The following TMEM50B variants were observed in gnomAD, a reference collection of about 807,000 sequenced individuals.
The protein encoded by TMEM50B is transmembrane protein 50B.
TMEM50B carries 14 observed loss-of-function variants against 23.4 expected under a neutral mutation model. The ratio of observed to expected loss-of-function variants is 0.60; its 90% confidence interval spans 0.39 to 0.93. The LOEUF is 0.93. Among genes scored for constraint, TMEM50B ranks in the 40% least tolerant of loss-of-function variants. The probability of loss-of-function intolerance (pLI) is 0.00; values close to 1 mark genes in which losing one functional copy is unlikely to be tolerated. For missense variants in TMEM50B, 159 were observed against 193.0 expected (o/e 0.82, Z 1.04); for synonymous variants, 64 against 62.3 (o/e 1.03, Z -0.13).
chr21:33,455,991 T>C, intron 5 of TMEM50B: 1 of 703,842 alleles, frequency 1.4e-6, no homozygotes, highest in East Asian at 2.7e-5. Context: ...TGGATAAAAG[T>C]CAATGAACTT....
downstream of TMEM50B, among the ~76,000 whole-genome samples, chr21:33,446,447 G>A (rs2084056072): frequency 6.6e-6 from 1 of 150,480 alleles, no homozygotes; most frequent in Admixed American, 6.6e-5. Context: ...ATGTTGGCCA[G>A]GCTGATCTCG....
chr21:33,447,411 G>A (rs371454406), downstream of TMEM50B, among the ~76,000 whole-genome samples: 3 of 151,854 alleles, frequency 2.0e-5, no homozygotes, highest in South Asian at 2.1e-4. Flanking sequence ...ACACCACGGC[G>A]TTCCAGCCTG....
At chr21:33,465,818 A>G (rs1442549378) in intron 3 of TMEM50B, among the ~76,000 whole-genome samples, 1 of 152,010 alleles carries the variant, frequency 6.6e-6, no homozygotes, top group Non-Finnish European at 1.5e-5. Flanking sequence ...TTAAGCTCAG[A>G]GAAAATGTAG....
Position 33,449,390 on chromosome 21 carries a change from G to A in TMEM50B, c.*1428C>T, listed in dbSNP as rs967231849. On this transcript the variant is annotated 3_prime_UTR_variant, in exon 7 of 7. Coordinates refer to ENST00000542230, the MANE Select transcript of TMEM50B (RefSeq NM_006134.7). ...CAAATGGGCTTACATTAGAGCCGTGGACACTACCACTGGTATTATTCATAC... is the reference window on the plus strand; with the variant it reads ...CAAATGGGCTTACATTAGAGCCGTGAACACTACCACTGGTATTATTCATAC... 2.6e-5 allele frequency: 4 copies of A among 152,530 alleles called. No individual in the cohort carries two copies. The highest frequency in any genetic ancestry group is 1.3e-4 in the Admixed American group (2 of 15,266). 9.4% of individuals were successfully genotyped at this position (152,530 alleles called of 1,614,324 possible). A position where few individuals can be genotyped will look rare whatever the true frequency, so the allele number is the denominator to read the frequency against.
intron 8 of TMEM50B, among the ~76,000 whole-genome samples, chr21:33,436,167 A>C (rs2083948122): frequency 2.0e-3 from 1 of 510 alleles, no homozygotes; most frequent in Non-Finnish European, 3.6e-3. Flanking sequence ...AGACAGCCTG[A>C]CCAACATGGG....
intron 1 of TMEM50B, 99 bp from the exon 2 acceptor site, chr21:33,469,025 T>C: frequency 1.5e-6 from 1 of 655,870 alleles, no homozygotes; most frequent in Non-Finnish European, 2.6e-6. Context: ...AACTTTACTT[T>C]AGGTCCTATT....
At chr21:33,434,209 G>A (rs2083920421) in intron 8 of TMEM50B, among the ~76,000 whole-genome samples, 1 of 152,142 alleles carries the variant, frequency 6.6e-6, no homozygotes. Context: ...TCAGAGGCGA[G>A]CTGAGAGAAG....
chr21:33,459,263 C>A (rs1459750145), intron 5 of TMEM50B, among the ~76,000 whole-genome samples: 1 of 152,212 alleles, frequency 6.6e-6, no homozygotes, highest in African/African-American at 2.4e-5. Flanking sequence ...CAGATTTCAG[C>A]ATGGTGTAAT....
intron 4 of TMEM50B, among the ~76,000 whole-genome samples, chr21:33,461,369 G>T (rs2084215189): frequency 6.6e-6 from 1 of 152,210 alleles, no homozygotes; most frequent in East Asian, 1.9e-4. Context: ...AGAGAAATAG[G>T]TCTCTATATT....
At chr21:33,438,486 C>T (rs913077302) in intron 8 of TMEM50B, among the ~76,000 whole-genome samples, 5 of 152,052 alleles carry the variant, frequency 3.3e-5, no homozygotes, top group African/African-American at 1.2e-4. Context: ...CTCTGTTGTT[C>T]AAAGGATATG....
downstream of TMEM50B, among the ~76,000 whole-genome samples, chr21:33,446,247 AT>A (rs895006129): frequency 6.1e-3 from 695 of 114,440 alleles, 5 homozygotes; most frequent in African/African-American, 0.015. Flanking sequence ...TTTATTTTTT[AT>A]TTTTTTTTGA....
At chr21:33,458,252 G>A (rs1568979471) in intron 5 of TMEM50B, among the ~76,000 whole-genome samples, 5 of 152,144 alleles carry the variant, frequency 3.3e-5, no homozygotes, top group South Asian at 2.1e-4. Flanking sequence ...AGTGGCTCAC[G>A]CCTGTAATAC....
chr21:33,440,931 A>G (rs2084003036), intron 7 of TMEM50B, among the ~76,000 whole-genome samples: 2 of 151,824 alleles, frequency 1.3e-5, no homozygotes, highest in Admixed American at 1.3e-4. Context: ...TGTTTAAATC[A>G]CATAAAATGG....
At chr21:33,477,318 G>A (rs1259823320) in intron 1 of TMEM50B, among the ~76,000 whole-genome samples, 1 of 151,446 alleles carries the variant, frequency 6.6e-6, no homozygotes, top group Non-Finnish European at 1.5e-5. Flanking sequence ...GAGGAAATGA[G>A]GTAGGTCTCC....
At chr21:33,432,889 T>A in intron 8 of TMEM50B, 1 of 1,381,292 alleles carries the variant, frequency 7.2e-7, no homozygotes, top group Non-Finnish European at 9.9e-7. Context: ...TGCACACATC[T>A]CTTTTTTTTT....
exon 9 of TMEM50B, chr21:33,432,581 G>C: frequency 9.9e-7 from 1 of 1,009,068 alleles, no homozygotes; most frequent in Non-Finnish European, 1.6e-6. Context: ...TACCAGGTGA[G>C]GGTGGGGGGT....
intron 7 of TMEM50B, among the ~76,000 whole-genome samples, chr21:33,441,517 C>T (rs566282727): frequency 1.1e-4 from 17 of 152,186 alleles, no homozygotes; most frequent in African/African-American, 4.1e-4. Flanking sequence ...GATGCCATTC[C>T]AAGGTTAGAC....
Position 33,449,452 on chromosome 21 carries a change from G to A in TMEM50B, c.*1366C>T, listed in dbSNP as rs1313280251. 3 of 152,608 alleles carry A rather than the reference G, an allele frequency of 2.0e-5. No individual in the cohort carries two copies. The highest frequency in any genetic ancestry group is 7.2e-5 in the African/African-American group (3 of 41,442). The allele number at this position is 152,608 out of a possible 1,614,324, so 9.5% of individuals were successfully genotyped here. A position where few individuals can be genotyped will look rare whatever the true frequency, so the allele number is the denominator to read the frequency against. On this transcript the variant is annotated 3_prime_UTR_variant, in exon 7 of 7. Coordinates refer to ENST00000542230, the MANE Select transcript of TMEM50B (RefSeq NM_006134.7). ...TACAACACCCCTCTGGAGAAAAAGTGCAACACAAAATCTGTGTAACAAAGG... is the reference window on the plus strand; with the variant it reads ...TACAACACCCCTCTGGAGAAAAAGTACAACACAAAATCTGTGTAACAAAGG...
intron 1 of TMEM50B, among the ~76,000 whole-genome samples, chr21:33,471,188 T>TA (rs1189872073): frequency 6.6e-6 from 1 of 152,132 alleles, no homozygotes. Context: ...GGAGGATCAG[T>TA]AAACACCTTG....
Sources: gnomAD v4.1 joint callset for allele counts (sites outside exome capture counted in the v4.1 genomes callset) on GRCh38, gnomAD v4.1.1 for gene constraint, MANE v1.5 for transcripts, NCBI Gene and HGNC (gene_info 2026-07-23, HGNC 2026-07-21) for gene names.